Variants in CERS6 observed in about 807,000 individuals in gnomAD.
CERS6 encodes the protein LAG1 homolog, ceramide synthase 6.
Under a neutral mutation model 56.8 loss-of-function variants are expected in CERS6, and 26 were observed. That is an observed-to-expected ratio of 0.46 (90% CI 0.34 to 0.63). CERS6 has a LOEUF of 0.63. Ranked by LOEUF, CERS6 falls within the 30% of genes least tolerant of loss-of-function variation. CERS6 has a pLI of 0.01. For synonymous variants in CERS6, 164 were observed against 173.3 expected, an observed-to-expected ratio of 0.95 and a Z score of 0.42; for missense variants, 415 against 467.5, an observed-to-expected ratio of 0.89 and a Z score of 1.04.
intron 8 of CERS6, among the ~76,000 whole-genome samples, chr2:168,746,457 C>G (rs1450735856): frequency 6.6e-6 from 1 of 152,022 alleles, no homozygotes; most frequent in Admixed American, 6.6e-5. Context: ...TCCCACCCCT[C>G]TGCCATCACG....
chr2:168,589,588 G>A lies in CERS6; in HGVS notation c.407+28266G>A, dbSNP rs577357761. On this transcript the variant is annotated intron_variant, in intron 3 of 9. Coordinates refer to ENST00000305747, the MANE Select transcript of CERS6 (RefSeq NM_203463.3). ...CTTCTAATTAATCTCTGAAAATGTT[G>A]GTGTCTTTCCTTCCAAATGTTGGGT... Among the ~76,000 whole-genome samples, 90 of 152,160 alleles carry A rather than the reference G, an allele frequency of 5.9e-4. 1 individual carries two copies. The highest frequency in any genetic ancestry group is 1.9e-3 in the African/African-American group (78 of 41,512).
intron 4 of CERS6, among the ~76,000 whole-genome samples, chr2:168,638,922 C>T (rs1684924737): frequency 4.6e-5 from 7 of 152,148 alleles, no homozygotes; most frequent in Admixed American, 4.6e-4. Context: ...CTGCTGCATT[C>T]TGAGTTCTTG....
Position 168,517,187 on chromosome 2 carries a change from G to A in CERS6, c.171-30409G>A, listed in dbSNP as rs548795501. Among the ~76,000 whole-genome samples, 80 of 151,712 alleles carry A rather than the reference G, an allele frequency of 5.3e-4. 1 individual carries two copies. In the South Asian group the frequency reaches 0.013, roughly 25 times the overall value. ...GGAGGATGTACTGTTGGGATCAGGA[G>A]GATGATTATAAAAACAAGCAGAGGC... On this transcript the variant is annotated intron_variant, in intron 1 of 9. Coordinates refer to ENST00000305747, the MANE Select transcript of CERS6 (RefSeq NM_203463.3).
At chr2:168,461,440 A>G (rs1464188060) in intron 1 of CERS6, among the ~76,000 whole-genome samples, 32 of 147,980 alleles carry the variant, frequency 2.2e-4, no homozygotes, top group Non-Finnish European at 3.0e-5. Flanking sequence ...AGCCTGGGCA[A>G]CAGAGTGAGA....
chr2:168,505,782 C>T (rs1262896994), intron 1 of CERS6, among the ~76,000 whole-genome samples: 1 of 152,202 alleles, frequency 6.6e-6, no homozygotes, highest in Non-Finnish European at 1.5e-5. Flanking sequence ...GGTCTAGTGT[C>T]AGTCTGCTTT....
intron 3 of CERS6, among the ~76,000 whole-genome samples, chr2:168,614,329 A>G (rs1478124176): frequency 6.6e-6 from 1 of 152,220 alleles, no homozygotes; most frequent in African/African-American, 2.4e-5. Flanking sequence ...ATCTGTGTCT[A>G]CACATACTTG....
intron 1 of CERS6, among the ~76,000 whole-genome samples, chr2:168,534,275 C>T (rs1488055509): frequency 8.6e-5 from 13 of 151,994 alleles, no homozygotes; most frequent in Admixed American, 8.5e-4. Flanking sequence ...GGCGACGTTG[C>T]GATCATTTGG....
At chr2:168,542,382 C>T (rs1004993318) in intron 1 of CERS6, among the ~76,000 whole-genome samples, 12 of 152,148 alleles carry the variant, frequency 7.9e-5, no homozygotes, top group Admixed American at 3.9e-4. Flanking sequence ...TACAATCTTC[C>T]GATCTTAATC....
chr2:168,719,452 T>A (rs922034016), intron 8 of CERS6, among the ~76,000 whole-genome samples: 5 of 152,206 alleles, frequency 3.3e-5, no homozygotes. Context: ...TGGAGGTAGA[T>A]CAGACTTTAG....
intron 7 of CERS6, 152 bp from the exon 8 acceptor site, chr2:168,717,720 A>C: frequency 1.7e-6 from 1 of 572,896 alleles, no homozygotes; most frequent in African/African-American, 1.9e-5. Flanking sequence ...TGCATGATGT[A>C]TGACATTTCA....
chr2:168,734,587 G>A (rs182267195), intron 8 of CERS6, among the ~76,000 whole-genome samples: 251 of 152,242 alleles, frequency 1.6e-3, no homozygotes, highest in African/African-American at 5.7e-3. Flanking sequence ...CATCAGCATG[G>A]CTGTATTTGG....
intron 3 of CERS6, among the ~76,000 whole-genome samples, chr2:168,598,163 T>A (rs1258741796): frequency 6.6e-6 from 1 of 152,248 alleles, no homozygotes; most frequent in African/African-American, 2.4e-5. Context: ...TCCCTTAGAA[T>A]AGCTGCTTCC....
intron 4 of CERS6, among the ~76,000 whole-genome samples, chr2:168,637,587 A>G (rs577011201): frequency 6.6e-6 from 1 of 152,364 alleles, no homozygotes; most frequent in African/African-American, 2.4e-5. Context: ...TATTCACTAA[A>G]TGTATATGAA....
At chr2:168,657,752 C>T (rs1685525224) in intron 4 of CERS6, among the ~76,000 whole-genome samples, 1 of 152,242 alleles carries the variant, frequency 6.6e-6, no homozygotes, top group Non-Finnish European at 1.5e-5. Flanking sequence ...CCACCAAGCC[C>T]ACGCCCACCC....
intron 1 of CERS6, among the ~76,000 whole-genome samples, chr2:168,540,186 G>A (rs1053980318): frequency 3.3e-5 from 5 of 151,486 alleles, no homozygotes; most frequent in Non-Finnish European, 7.4e-5. Context: ...GTATAGTCAT[G>A]AGCTGCATAA....
chr2:168,535,012 G>T (rs1558987669), intron 1 of CERS6, among the ~76,000 whole-genome samples: 1 of 152,248 alleles, frequency 6.6e-6, no homozygotes, highest in Non-Finnish European at 1.5e-5. Flanking sequence ...GCCACAGCCG[G>T]TGTGTTGGGC....
At chr2:168,661,032 G>A (rs1685615830) in intron 4 of CERS6, among the ~76,000 whole-genome samples, 1 of 151,912 alleles carries the variant, frequency 6.6e-6, no homozygotes, top group Non-Finnish European at 1.5e-5. Flanking sequence ...ATCTGGAGTG[G>A]CAGCGGGGAG....
At chr2:168,461,417 G>A (rs1296186299) in intron 1 of CERS6, among the ~76,000 whole-genome samples, 3 of 142,356 alleles carry the variant, frequency 2.1e-5, no homozygotes, top group South Asian at 4.4e-4. Context: ...CTGTGATTGC[G>A]CTACTACACT....
At chr2:168,625,933 T>C (rs1377254296) in intron 3 of CERS6, among the ~76,000 whole-genome samples, 1 of 152,186 alleles carries the variant, frequency 6.6e-6, no homozygotes, top group East Asian at 1.9e-4. Context: ...CAGCATCCAC[T>C]AATATCCACC....
Sources: allele counts gnomAD v4.1 joint callset (sites outside exome capture counted in the v4.1 genomes callset), GRCh38; gene constraint gnomAD v4.1.1; transcripts MANE v1.5; gene names NCBI Gene and HGNC (gene_info 2026-07-23, HGNC 2026-07-21).